PDZRN4: variants seen among roughly 807,000 people sequenced by gnomAD.
The protein encoded by PDZRN4 is PDZ domain-containing RING finger protein 4.
In PDZRN4, 70 loss-of-function variants were observed where a neutral mutation model predicts 99.0. The ratio of observed to expected loss-of-function variants is 0.71; its 90% CI spans 0.58 to 0.86. The LOEUF (loss-of-function observed/expected upper bound fraction) is 0.86. Among genes scored for constraint, PDZRN4 ranks in the 40% least tolerant of loss-of-function variants. PDZRN4 has a pLI of 0.00. For missense variants in PDZRN4, 1,474 were observed against 1,331.2 expected (o/e 1.11, Z -1.67); for synonymous variants, 551 against 501.6 (o/e 1.10, Z -1.32).
chr12:41,359,273 C>T (rs1951949255), intron 3 of PDZRN4, among the ~76,000 whole-genome samples: 1 of 152,024 alleles, frequency 6.6e-6, no homozygotes, highest in East Asian at 1.9e-4. Context: ...GAAATCTCTT[C>T]AATAGCTAAT....
intron 4 of PDZRN4, among the ~76,000 whole-genome samples, chr12:41,509,258 G>A (rs932786601): frequency 2.0e-5 from 3 of 152,064 alleles, no homozygotes; most frequent in Admixed American, 2.0e-4. Flanking sequence ...GATCAAAGAG[G>A]GGAAAATGTG....
At chr12:41,448,863 T>C (rs1221270369) in intron 3 of PDZRN4, among the ~76,000 whole-genome samples, 1 of 152,062 alleles carries the variant, frequency 6.6e-6, no homozygotes. Context: ...TCAGAAACAA[T>C]AAGATATTGG....
intron 1 of PDZRN4, 69 bp downstream of exon 1, chr12:41,189,172 C>T: frequency 1.4e-6 from 2 of 1,437,108 alleles, no homozygotes; most frequent in African/African-American, 1.4e-5. Context: ...TTCTTTCTGA[C>T]GCTTCAGGAT....
chr12:41,362,782 G>A (rs1453150808), intron 3 of PDZRN4, among the ~76,000 whole-genome samples: 1 of 152,046 alleles, frequency 6.6e-6, no homozygotes, highest in African/African-American at 2.4e-5. Context: ...TGAGGCTGTG[G>A]CAAGCAGTTT....
intron 3 of PDZRN4, among the ~76,000 whole-genome samples, chr12:41,429,268 A>G (rs1162765682): frequency 6.6e-6 from 1 of 152,200 alleles, no homozygotes; most frequent in Non-Finnish European, 1.5e-5. Flanking sequence ...CTGCCCTAAT[A>G]TCAGCCCATA....
chr12:41,336,905 A>G (rs1951779380), intron 3 of PDZRN4, among the ~76,000 whole-genome samples: 3 of 151,858 alleles, frequency 2.0e-5, no homozygotes, highest in Non-Finnish European at 2.9e-5. Context: ...AAATATCTCA[A>G]GCACTGATCT....
At chr12:41,293,495 G>T (rs1221258493) in intron 3 of PDZRN4, among the ~76,000 whole-genome samples, 3 of 151,730 alleles carry the variant, frequency 2.0e-5, no homozygotes, top group African/African-American at 7.3e-5. Flanking sequence ...AACTCTCTCT[G>T]CCAGTATTAA....
chr12:41,561,014 A>G (rs1354372528), intron 7 of PDZRN4, among the ~76,000 whole-genome samples: 3 of 152,214 alleles, frequency 2.0e-5, no homozygotes, highest in Non-Finnish European at 4.4e-5. Flanking sequence ...TGTTTCTGCA[A>G]GAAATGATCT....
intron 3 of PDZRN4, among the ~76,000 whole-genome samples, chr12:41,204,730 G>A (rs112720715): frequency 0.017 from 2,635 of 152,074 alleles, 53 homozygotes; most frequent in African/African-American, 0.047. Flanking sequence ...CTCCCTTGAC[G>A]TGGGGATTAT....
At position 41,573,610 on chromosome 12, in the gene PDZRN4, A is replaced by G. The variant is rs746926966; in HGVS notation, c.2831A>G (p.Glu944Gly). The change falls in exon 10 of 10, where the codon GAG (glutamate) becomes GGG (glycine). Residue 944 changes from glutamate (E) to glycine (G), a missense_variant. Physicochemically the swap from Glu to Gly is moderately conservative, Grantham distance 98. Coordinates refer to ENST00000402685, the MANE Select transcript of PDZRN4 (RefSeq NM_001164595.2). ...AAAATGGGGCGCTACTGGAGCAAAG[A>G]GGAGAGAAAGCAGCACCTGGTTAGG... ...EMKMGRYWSK[E>G]ERKQHLVRAK... 6.2e-7 allele frequency: 1 copy of G among 1,614,078 alleles called. No homozygotes were observed. Among genetic ancestry groups the G allele is most frequent in the Non-Finnish European group, 8.5e-7 (1 of 1,179,998 alleles).
chr12:41,233,488 C>T lies in PDZRN4; in HGVS notation c.843+39300C>T, dbSNP rs1257506136. On this transcript the variant is annotated intron_variant, in intron 3 of 9. Coordinates refer to ENST00000402685, the MANE Select transcript of PDZRN4 (RefSeq NM_001164595.2). ...ATGCTGCTCTGAAGACACATGCACA[C>T]GTATGTTTATAGCAGCACTATTCAC... Among the ~76,000 whole-genome samples, 7 of 152,062 alleles carry T rather than the reference C, an allele frequency of 4.6e-5. 1 individual carries two copies. The highest frequency in any genetic ancestry group is 3.9e-4 in the East Asian group (2 of 5,180).
intron 3 of PDZRN4, among the ~76,000 whole-genome samples, chr12:41,306,749 C>T (rs1951572852): frequency 1.3e-5 from 2 of 152,180 alleles, no homozygotes; most frequent in South Asian, 2.1e-4. Context: ...CAAGCCACTC[C>T]TTCAACACTT....
intron 5 of PDZRN4, among the ~76,000 whole-genome samples, chr12:41,537,359 A>G (rs1456423704): frequency 1.3e-5 from 2 of 152,214 alleles, no homozygotes; most frequent in Non-Finnish European, 2.9e-5. Context: ...AAAGCTGAAT[A>G]CATTTGCTCT....
intron 3 of PDZRN4, among the ~76,000 whole-genome samples, chr12:41,484,968 G>A (rs956025034): frequency 6.6e-6 from 1 of 151,912 alleles, no homozygotes; most frequent in African/African-American, 2.4e-5. Flanking sequence ...ATGTTTCCTG[G>A]GTCTGACTCC....
At chr12:41,328,809 A>G (rs1951725792) in intron 3 of PDZRN4, among the ~76,000 whole-genome samples, 1 of 152,160 alleles carries the variant, frequency 6.6e-6, no homozygotes, top group South Asian at 2.1e-4. Flanking sequence ...CAGGAGACAG[A>G]CATTTAAGCA....
chr12:41,412,196 C>A (rs1431327376), intron 3 of PDZRN4: 1 of 152,178 alleles, frequency 6.6e-6, no homozygotes, highest in African/African-American at 2.4e-5. Flanking sequence ...CCCCCTTGAA[C>A]AATGTGCACA....
rs372398063 is a variant in PDZRN4, at chr12:41,573,061, C to T, written c.2282C>T (p.Pro761Leu). ...GACCGTTCCCCTGACAGTTCCCTTCCAAGGGTGATCAACCTCACCAATAAG... is the reference window on the plus strand; with the variant it reads ...GACCGTTCCCCTGACAGTTCCCTTCTAAGGGTGATCAACCTCACCAATAAG... Reference protein sequence around the residue: ...TVDRSPDSSLPRVINLTNKKN... With the variant: ...TVDRSPDSSLLRVINLTNKKN... The change falls in exon 10 of 10, where the codon CCA becomes CTA. Residue 761 changes from proline to leucine, a missense_variant. Transcript: ENST00000402685. 3.7e-6 allele frequency: 6 copies of T among 1,613,938 alleles called. No individual in the cohort carries two copies. The highest frequency in any genetic ancestry group is 5.1e-6 in the Non-Finnish European group (6 of 1,179,962).
chr12:41,567,894 G>A lies in PDZRN4; in HGVS notation c.1579G>A (p.Glu527Lys), dbSNP rs1190632963. 4 of 1,590,382 alleles carry A rather than the reference G, an allele frequency of 2.5e-6. No individual in the cohort carries two copies. The highest frequency in any genetic ancestry group is 1.7e-5 in the Admixed American group (1 of 58,752). ...EAMQPTANEV[E>K]QPKKQEEEEG... is the part of the protein sequence containing the mutation. The stretch of plus-strand genomic sequence containing the variant: ...AATGCAGCCCACTGCCAATGAGGTG[G>A]AGCAGGTAGGGCCAACAATTTGAAC... The change falls in exon 9 of 10, where the codon GAG becomes AAG. Residue 527 changes from glutamate (E) to lysine (K), a missense_variant. Transcript: ENST00000402685.
intron 5 of PDZRN4, among the ~76,000 whole-genome samples, chr12:41,518,334 C>T (rs899348587): frequency 2.0e-5 from 3 of 152,016 alleles, no homozygotes; most frequent in Non-Finnish European, 4.4e-5. Context: ...GGAAATTGTA[C>T]CACCTAAGAT....
Sources: allele counts gnomAD v4.1 joint callset (sites outside exome capture counted in the v4.1 genomes callset), GRCh38; gene constraint gnomAD v4.1.1; transcripts MANE v1.5; gene names NCBI Gene and HGNC (gene_info 2026-07-23, HGNC 2026-07-21).